SPOCK1: variants seen among roughly 807,000 people sequenced by gnomAD.
The protein encoded by SPOCK1 is testican-1.
SPOCK1 carries 23 observed loss-of-function variants against 55.3 expected under a neutral mutation model. That is an observed-to-expected ratio of 0.42 (90% CI 0.30 to 0.59). The LOEUF (loss-of-function observed/expected upper bound fraction) is 0.59, where lower values mean the gene tolerates loss of function less well. SPOCK1 is among the 20% of genes least tolerant of loss of function. The probability of loss-of-function intolerance (pLI) is 0.22; values close to 1 mark genes in which losing one functional copy is unlikely to be tolerated. For synonymous variants in SPOCK1, 226 were observed against 221.0 expected (o/e 1.02, Z -0.20); for missense variants, 499 against 552.5 (o/e 0.90, Z 0.97).
rs547235470 is a variant in SPOCK1 at position 137,395,242 on chromosome 5, G to A, written c.186+103131C>T. ...TTTGTAAGGGTAAAAAATTTCTGAC[G>A]TGATCTGGATACATTCCTCTAATTC... On this transcript the variant is annotated intron_variant, in intron 2 of 10. Coordinates refer to ENST00000394945, the MANE Select transcript of SPOCK1 (RefSeq NM_004598.4). 2.6e-5 allele frequency among the ~76,000 whole-genome samples: 4 copies of A among 152,314 alleles called. No individual in the cohort carries two copies. The South Asian group carries it at 8.3e-4, about 32-fold the overall frequency.
chr5:137,168,373 CT>C lies in SPOCK1; in HGVS notation c.233-27680del, dbSNP rs201804978. 6.8e-4 allele frequency among the ~76,000 whole-genome samples: 103 copies of C among 152,160 alleles called. 2 individuals are homozygous for C. The East Asian group carries it at 0.017, about 25-fold the overall frequency. ...AATGGGATCACACGAAGTTAAAAAG[CT>C]TCTGAACAGCAAAGAAAACTATCAA... On this transcript the variant is annotated intron_variant, in intron 3 of 10. Transcript: ENST00000394945.
At chr5:137,483,614 G>A (rs1471511132) in intron 2 of SPOCK1, among the ~76,000 whole-genome samples, 1 of 152,144 alleles carries the variant, frequency 6.6e-6, no homozygotes, top group Admixed American at 6.5e-5. Flanking sequence ...GTATCTCTAG[G>A]CCAGCATTTC....
intron 3 of SPOCK1, among the ~76,000 whole-genome samples, chr5:137,257,974 T>TAACTGATCAATGAGC (rs1756670398): frequency 6.6e-6 from 1 of 152,160 alleles, no homozygotes; most frequent in African/African-American, 2.4e-5. Context: ...ATTCAATGAT[T>TAACTGATCAATGAGC]AACTGATCAA....
intron 2 of SPOCK1, among the ~76,000 whole-genome samples, chr5:137,466,773 T>C (rs1025788289): frequency 3.9e-5 from 6 of 152,234 alleles, no homozygotes; most frequent in African/African-American, 1.4e-4. Context: ...GAAAAATCTG[T>C]GTATGAGTTA....
At chr5:137,060,507 A>G (rs956701698) in intron 6 of SPOCK1, among the ~76,000 whole-genome samples, 3 of 152,346 alleles carry the variant, frequency 2.0e-5, no homozygotes, top group Middle Eastern at 3.4e-3. Flanking sequence ...TATGCTTATT[A>G]TCTGGGAAAT....
At chr5:137,473,739 T>C (rs1369432018) in intron 2 of SPOCK1, among the ~76,000 whole-genome samples, 2 of 152,216 alleles carry the variant, frequency 1.3e-5, no homozygotes, top group African/African-American at 2.4e-5. Flanking sequence ...AAACCTTTAC[T>C]GGGATATAGT....
chr5:137,366,578 T>G (rs568156272), intron 2 of SPOCK1, among the ~76,000 whole-genome samples: 1 of 152,304 alleles, frequency 6.6e-6, no homozygotes, highest in East Asian at 1.9e-4. Flanking sequence ...AGGTCAAAGC[T>G]GGAGTCCTGC....
chr5:137,231,935 T>C (rs1372934781), intron 3 of SPOCK1, among the ~76,000 whole-genome samples: 2 of 152,256 alleles, frequency 1.3e-5, no homozygotes, highest in Non-Finnish European at 2.9e-5. Flanking sequence ...ACTGTTACAC[T>C]TTAACTTGCA....
intron 2 of SPOCK1, among the ~76,000 whole-genome samples, chr5:137,488,818 G>T (rs1186830747): frequency 2.0e-5 from 3 of 152,176 alleles, no homozygotes; most frequent in African/African-American, 7.2e-5. Flanking sequence ...TTCTGCTGGG[G>T]AATGTTGACG....
chr5:137,076,137 C>G (rs1318880556), intron 5 of SPOCK1, among the ~76,000 whole-genome samples: 1 of 152,102 alleles, frequency 6.6e-6, no homozygotes, highest in African/African-American at 2.4e-5. Context: ...AGCCCAGACC[C>G]GAAGGGCTCT....
At chr5:137,482,086 T>G (rs980312660) in intron 2 of SPOCK1, among the ~76,000 whole-genome samples, 2 of 152,066 alleles carry the variant, frequency 1.3e-5, no homozygotes, top group Admixed American at 6.6e-5. Flanking sequence ...ATGTCGGGGA[T>G]AGAAATTGGG....
At chr5:137,384,578 A>G (rs1039916675) in intron 2 of SPOCK1, among the ~76,000 whole-genome samples, 1 of 135,732 alleles carries the variant, frequency 7.4e-6, no homozygotes, top group Admixed American at 7.7e-5. Context: ...ATATATATAT[A>G]TGTATGTATT....
chr5:137,159,098 A>G (rs1052886815), intron 3 of SPOCK1, among the ~76,000 whole-genome samples: 1 of 152,168 alleles, frequency 6.6e-6, no homozygotes, highest in Non-Finnish European at 1.5e-5. Flanking sequence ...TGGTCTCAGG[A>G]AGCAAACACA....
intron 9 of SPOCK1, among the ~76,000 whole-genome samples, chr5:136,982,651 C>CACCT (rs1329023617): frequency 6.6e-6 from 1 of 151,938 alleles, no homozygotes; most frequent in African/African-American, 2.4e-5. Flanking sequence ...ACATTCTTAC[C>CACCT]ACCTTTTTCT....
intron 3 of SPOCK1, among the ~76,000 whole-genome samples, chr5:137,172,913 A>G (rs1754780510): frequency 6.6e-6 from 1 of 152,190 alleles, no homozygotes; most frequent in Non-Finnish European, 1.5e-5. Context: ...CAGGCAAAAG[A>G]CAGACTACAA....
chr5:137,377,054 T>C (rs1309178673), intron 2 of SPOCK1, among the ~76,000 whole-genome samples: 1 of 152,194 alleles, frequency 6.6e-6, no homozygotes. Flanking sequence ...TAAACATTAT[T>C]ATTTGTGGGT....
At chr5:137,496,684 C>T (rs946034026) in intron 2 of SPOCK1, among the ~76,000 whole-genome samples, 1 of 152,120 alleles carries the variant, frequency 6.6e-6, no homozygotes, top group African/African-American at 2.4e-5. Context: ...GTGAATCCTT[C>T]ATGGTTTGGG....
At chr5:137,341,100 T>C (rs1168508904) in intron 2 of SPOCK1, among the ~76,000 whole-genome samples, 1 of 152,188 alleles carries the variant, frequency 6.6e-6, no homozygotes, top group Non-Finnish European at 1.5e-5. Context: ...CTTCACTGTC[T>C]CTATTCATGT....
At chr5:137,209,017 C>A (rs1478134795) in intron 3 of SPOCK1, among the ~76,000 whole-genome samples, 3 of 152,186 alleles carry the variant, frequency 2.0e-5, no homozygotes, top group Non-Finnish European at 4.4e-5. Context: ...AGTCTCCTAG[C>A]CCCTTTTGAC....
Sources: gnomAD v4.1 joint callset for allele counts (sites outside exome capture counted in the v4.1 genomes callset) on GRCh38, gnomAD v4.1.1 for gene constraint, MANE v1.5 for transcripts, NCBI Gene and HGNC (gene_info 2026-07-23, HGNC 2026-07-21) for gene names.